Variants in PANK2 observed in about 807,000 individuals in gnomAD.
PANK2 encodes the protein pantothenate kinase 2, also known as pantothenate kinase 2, mitochondrial.
In PANK2, 36 loss-of-function variants were observed where a neutral mutation model predicts 43.1. The ratio of observed to expected loss-of-function variants is 0.84; its 90% confidence interval spans 0.64 to 1.10. The LOEUF is 1.10. Among genes scored for constraint, PANK2 ranks in the 50% least tolerant of loss-of-function variants. The pLI, the probability that PANK2 is intolerant of heterozygous loss-of-function variation, is 0.00. For synonymous variants in PANK2, 281 were observed against 238.2 expected (o/e 1.18, Z -1.66); for missense variants, 576 against 593.3 (o/e 0.97, Z 0.30).
intron 1 of PANK2, among the ~76,000 whole-genome samples, chr20:3,890,311 G>A (rs1693205444): frequency 6.6e-6 from 1 of 152,048 alleles, no homozygotes; most frequent in South Asian, 2.1e-4. Context: ...TTTTCCTTCT[G>A]TCTATTTGCA....
intron 5 of PANK2, 143 bp from the exon 6 acceptor site, chr20:3,918,524 TTAAG>T: frequency 9.4e-7 from 1 of 1,059,044 alleles, no homozygotes; most frequent in South Asian, 1.3e-5. Context: ...GGGATCAAGT[TTAAG>T]TAGCCCTGGA....
intron 2 of PANK2, 22 bp from the exon 3 acceptor site, chr20:3,910,555 G>A (rs374525732): frequency 1.8e-5 from 29 of 1,613,866 alleles, no homozygotes; most frequent in African/African-American, 4.0e-5. Context: ...AAAAGTCTGA[G>A]TACATTCTTA....
chr20:3,902,163 C>CT (rs542705456), intron 1 of PANK2, among the ~76,000 whole-genome samples: 4,042 of 138,222 alleles, frequency 0.029, 146 homozygotes, highest in East Asian at 0.13. Context: ...CTCCCTCTCT[C>CT]TTTTTTTTTT....
At chr20:3,914,015 T>TC (rs1401696055) in intron 4 of PANK2, among the ~76,000 whole-genome samples, 1 of 151,438 alleles carries the variant, frequency 6.6e-6, no homozygotes, top group Non-Finnish European at 1.5e-5. Context: ...GGTCTCGATC[T>TC]GCTGACCTCA....
chr20:3,910,903 C>T, intron 3 of PANK2, 73 bp downstream of exon 3: 1 of 1,551,950 alleles, frequency 6.4e-7, no homozygotes, highest in Non-Finnish European at 8.9e-7. Context: ...TTACATGTAA[C>T]TACACCTTCA....
intron 1 of PANK2, among the ~76,000 whole-genome samples, chr20:3,890,280 C>A (rs907723253): frequency 6.6e-6 from 1 of 152,172 alleles, no homozygotes; most frequent in South Asian, 2.1e-4. Flanking sequence ...CAGGTCATCT[C>A]TCACCCACAT....
chr20:3,913,198 CAA>C lies in PANK2; in HGVS notation c.1082+565_1082+566del, dbSNP rs200921999. On this transcript the variant is annotated intron_variant, in intron 4 of 6. Transcript: ENST00000610179. ...CCCCTGCCAAACAGTAATTTATTTT[CAA>C]TGTAGGTTTGCCTCTTCTGAACATT... Among the ~76,000 whole-genome samples, 4 of 152,162 alleles carry C rather than the reference CAA, an allele frequency of 2.6e-5. No individual in the cohort carries two copies. The East Asian group carries it at 7.7e-4, about 29-fold the overall frequency.
chr20:3,889,321 C>T (rs760642105), upstream of PANK2: 4 of 1,592,400 alleles, frequency 2.5e-6, no homozygotes, highest in South Asian at 4.5e-5. Flanking sequence ...CCGTCCCCAG[C>T]CTCGTCGGAT....
At position 3,928,000 on chromosome 20, in the gene PANK2, CTTTT is replaced by C; in HGVS notation, c.*4708_*4711del. 1 of 152,328 alleles carries C rather than the reference CTTTT, an allele frequency of 6.6e-6. No individual in the cohort carries two copies. The highest frequency in any genetic ancestry group is 1.9e-4 in the East Asian group (1 of 5,184). The allele number at this position is 152,328 out of a possible 1,614,324, so 9.4% of individuals were successfully genotyped here. A position where few individuals can be genotyped will look rare whatever the true frequency, so the allele number is the denominator to read the frequency against. On this transcript the variant is annotated 3_prime_UTR_variant, in exon 7 of 7. Coordinates refer to ENST00000610179, the MANE Select transcript of PANK2 (RefSeq NM_001386393.1). ...AGTAAGGTTTACTACACAAGCCCCT[CTTTT>C]TCTTCTGATATCCCCACTCAAATGG...
chr20:3,906,667 CAATA>C lies in PANK2; in HGVS notation c.299-1254_299-1251del, dbSNP rs375545636. Among the ~76,000 whole-genome samples, 260 of 147,112 alleles carry C rather than the reference CAATA, an allele frequency of 1.8e-3. 2 individuals are homozygous for C. Among genetic ancestry groups the C allele is most frequent in the African/African-American group, 6.8e-3 (252 of 36,894 alleles). Reference sequence around the variant, plus strand: ...AATACTGTACTAAAAATAAAAAAAACAATAAATACTTGAAGTAGAGTTTCTACTG... The same window carrying C: ...AATACTGTACTAAAAATAAAAAAAACAATACTTGAAGTAGAGTTTCTACTG... On this transcript the variant is annotated intron_variant, in intron 1 of 6. Coordinates refer to ENST00000610179, the MANE Select transcript of PANK2 (RefSeq NM_001386393.1).
upstream of PANK2, chr20:3,889,097 G>A: frequency 3.2e-6 from 5 of 1,539,924 alleles, no homozygotes; most frequent in Non-Finnish European, 4.4e-6. Flanking sequence ...GAAGGAGGGG[G>A]TGGATGAGGA....
At chr20:3,895,302 T>TA (rs752471217) in intron 1 of PANK2, among the ~76,000 whole-genome samples, 18 of 151,288 alleles carry the variant, frequency 1.2e-4, no homozygotes, top group Non-Finnish European at 1.9e-4. Context: ...AATAAATAAA[T>TA]AATAATAAAC....
At chr20:3,897,772 C>T (rs139357879) in intron 1 of PANK2, among the ~76,000 whole-genome samples, 21 of 152,060 alleles carry the variant, frequency 1.4e-4, no homozygotes, top group African/African-American at 4.1e-4. Flanking sequence ...TTTGGGAGGC[C>T]GAGGTGGGCG....
intron 2 of PANK2, among the ~76,000 whole-genome samples, chr20:3,909,739 A>G (rs1410185572): frequency 6.6e-6 from 1 of 151,206 alleles, no homozygotes; most frequent in Non-Finnish European, 1.5e-5. Context: ...ACAGGCGTGC[A>G]CCACCATACC....
Position 3,912,636 on chromosome 20 carries a change from T to C in PANK2, c.1082+2T>C, listed in dbSNP as rs750274604. The C allele has an allele frequency of 3.1e-6, 5 of 1,613,708 alleles. No homozygotes were observed. Among genetic ancestry groups the C allele is most frequent in the Non-Finnish European group, 3.4e-6 (4 of 1,179,842 alleles). On this transcript the variant is annotated splice_donor_variant, in intron 4 of 6. Transcript: ENST00000610179. LOFTEE classifies it high-confidence loss of function. ...GCCAGGCTGGGCTGTGGCTTCAAGG[T>C]AAGGGGGCATGTGTGTTCTAAGAAA...
At chr20:3,916,716 G>A (rs1014317828) in intron 4 of PANK2, among the ~76,000 whole-genome samples, 2 of 152,206 alleles carry the variant, frequency 1.3e-5, no homozygotes, top group Admixed American at 1.3e-4. Flanking sequence ...AGAAACCGCA[G>A]GGAAAGCTGT....
Position 3,928,821 on chromosome 20 carries a change from A to G in PANK2, c.*5527A>G, listed in dbSNP as rs953964430. The G allele has an allele frequency of 6.6e-6, 1 of 150,844 alleles. No individual in the cohort carries two copies. The highest frequency in any genetic ancestry group is 1.5e-5 in the Non-Finnish European group (1 of 67,768). The allele number at this position is 150,844 out of a possible 1,614,324, so 9.3% of individuals were successfully genotyped here. On this transcript the variant is annotated 3_prime_UTR_variant, in exon 7 of 7. Transcript: ENST00000610179. ...TGTTGTCAAATGGAAAACAAGGCAT[A>G]AAGGGAAAATTCTGTAGGAAGCATT... is the stretch of plus-strand genomic sequence containing the variant.
At chr20:3,889,218 C>T (rs1318176606), upstream of PANK2, 9 of 1,612,770 alleles carry the variant, frequency 5.6e-6, no homozygotes, top group Non-Finnish European at 7.6e-6. Flanking sequence ...CTCCACCACC[C>T]TCTCCCCGCC....
intron 6 of PANK2, among the ~76,000 whole-genome samples, chr20:3,919,543 C>G (rs1301479804): frequency 1.3e-5 from 2 of 152,122 alleles, no homozygotes; most frequent in Admixed American, 1.3e-4. Context: ...ACCATACTAT[C>G]ATAAGAACTT....
Sources: gnomAD v4.1 joint callset for allele counts (sites outside exome capture counted in the v4.1 genomes callset) on GRCh38, gnomAD v4.1.1 for gene constraint, MANE v1.5 for transcripts, NCBI Gene and HGNC (gene_info 2026-07-23, HGNC 2026-07-21) for gene names.